Variants in RIMKLB observed in about 807,000 individuals in gnomAD.
RIMKLB encodes ribosomal modification protein rimK like family member B, also known as beta-citrylglutamate synthase B.
A neutral mutation model predicts 32.0 loss-of-function variants in RIMKLB; 7 were observed. That is an observed-to-expected ratio of 0.22 (90% CI 0.12 to 0.41). The LOEUF (loss-of-function observed/expected upper bound fraction) is 0.41. Ranked by LOEUF, RIMKLB falls within the 10% of genes least tolerant of loss-of-function variation. The pLI is 1.00. For missense variants in RIMKLB, 289 were observed against 498.7 expected, an observed-to-expected ratio of 0.58 and a Z score of 4.00; for synonymous variants, 172 against 185.1, an observed-to-expected ratio of 0.93 and a Z score of 0.57.
In RIMKLB at chr12:8,775,205, T is replaced by G; in HGVS notation, c.*1421T>G. 1.0e-6 allele frequency: 1 copy of G among 985,780 alleles called. No individual in the cohort carries two copies. Among genetic ancestry groups the G allele is most frequent in the Non-Finnish European group, 1.2e-6 (1 of 829,882 alleles). 61.1% of individuals were successfully genotyped at this position (985,780 alleles called of 1,614,324 possible). The stretch of plus-strand genomic sequence containing the variant: ...GCTATGCATTTTCTCTTTTTACATA[T>G]AGGATTTGGGATTGGGGGTGGGTTG... On this transcript the variant is annotated 3_prime_UTR_variant, in exon 6 of 6. Transcript: ENST00000535829.
intron 2 of RIMKLB, among the ~76,000 whole-genome samples, chr12:8,729,003 G>A (rs1946299780): frequency 6.6e-6 from 1 of 152,112 alleles, no homozygotes; most frequent in Non-Finnish European, 1.5e-5. Flanking sequence ...GGGGAGCACA[G>A]GTAAGCGGGT....
At chr12:8,767,363 G>A (rs1461236877) in intron 5 of RIMKLB, among the ~76,000 whole-genome samples, 1 of 152,156 alleles carries the variant, frequency 6.6e-6, no homozygotes, top group African/African-American at 2.4e-5. Flanking sequence ...AGAGACACCA[G>A]GGACAAGACT....
rs1950725998 is a variant in RIMKLB, at chr12:8,776,355, G to C, written c.*2571G>C. 1.0e-6 allele frequency: 1 copy of C among 983,360 alleles called. No individual in the cohort carries two copies. The highest frequency in any genetic ancestry group is 1.2e-6 in the Non-Finnish European group (1 of 828,076). 60.9% of individuals were successfully genotyped at this position (983,360 alleles called of 1,614,324 possible). On this transcript the variant is annotated 3_prime_UTR_variant, in exon 6 of 6. Transcript: ENST00000535829. ...CTTGAATTCCTTCAAGATTGAGGTA[G>C]AGAATAAGAGCAAATCATTCTGGAA...
At chr12:8,740,576 G>C (rs775204167) in intron 2 of RIMKLB, among the ~76,000 whole-genome samples, 24 of 152,206 alleles carry the variant, frequency 1.6e-4, no homozygotes, top group Non-Finnish European at 1.0e-4. Context: ...TCACTCGTAA[G>C]TGAGAACATA....
intron 2 of RIMKLB, among the ~76,000 whole-genome samples, chr12:8,735,733 G>C (rs1250612692): frequency 6.7e-6 from 1 of 148,726 alleles, no homozygotes; most frequent in African/African-American, 2.5e-5. Context: ...TTTTTTGTCT[G>C]TCTGTTTGTT....
At chr12:8,751,356 G>A (rs1230994697) in intron 3 of RIMKLB, among the ~76,000 whole-genome samples, 2 of 151,974 alleles carry the variant, frequency 1.3e-5, no homozygotes, top group African/African-American at 4.8e-5. Context: ...GCTGATTTTT[G>A]TAGCTACAGT....
At position 8,776,159 on chromosome 12, in the gene RIMKLB, T is replaced by C. The variant is rs766972300; in HGVS notation, c.*2375T>C. ...GGTAAGGCATCAGGAAAAATGTAGT[T>C]AGTCTTTTCTTAACTTATACCAAAT... On this transcript the variant is annotated 3_prime_UTR_variant, in exon 6 of 6. Transcript: ENST00000535829. The C allele has an allele frequency of 1.4e-5, 14 of 984,912 alleles. No homozygotes were observed. The highest frequency in any genetic ancestry group is 1.7e-5 in the African/African-American group (1 of 57,370). 61.0% of individuals were successfully genotyped at this position (984,912 alleles called of 1,614,324 possible). A position where few individuals can be genotyped will look rare whatever the true frequency, so the allele number is the denominator to read the frequency against.
chr12:8,748,528 G>A (rs1388198165), intron 2 of RIMKLB, among the ~76,000 whole-genome samples: 1 of 105,078 alleles, frequency 9.5e-6, no homozygotes, highest in Non-Finnish European at 2.1e-5. Context: ...TCGTGTGTGT[G>A]TGTGTGTGTG....
At chr12:8,731,794 T>C (rs188655826) in intron 2 of RIMKLB, among the ~76,000 whole-genome samples, 1 of 152,272 alleles carries the variant, frequency 6.6e-6, no homozygotes, top group Admixed American at 6.5e-5. Flanking sequence ...TTTTTAGCTT[T>C]TACAATATCT....
At position 8,706,196 on chromosome 12, in the gene RIMKLB, A is replaced by G. The variant is rs148946937; in HGVS notation, c.-56-7615A>G. ...CCCTTGTCACCCAGGCTGGAGTGCA[A>G]TGGTGCGATCTCAGCTCACTGCAAC... On this transcript the variant is annotated intron_variant, in intron 1 of 5. Transcript: ENST00000535829. Among the ~76,000 whole-genome samples the G allele has an allele frequency of 2.0e-3, 301 of 152,124 alleles. 1 individual carries two copies. The highest frequency in any genetic ancestry group is 6.9e-3 in the African/African-American group (285 of 41,494).
chr12:8,744,780 C>T (rs1947919940), intron 2 of RIMKLB, among the ~76,000 whole-genome samples: 1 of 151,800 alleles, frequency 6.6e-6, no homozygotes, highest in African/African-American at 2.4e-5. Flanking sequence ...CCTGCCTCAG[C>T]CTCCCAAGTA....
intron 1 of RIMKLB, among the ~76,000 whole-genome samples, chr12:8,701,204 C>G (rs953578731): frequency 1.3e-5 from 2 of 152,156 alleles, no homozygotes; most frequent in Non-Finnish European, 2.9e-5. Flanking sequence ...AGGGAGATTA[C>G]GTACAGATGT....
At chr12:8,696,963 C>CTT (rs200665237), upstream of RIMKLB, among the ~76,000 whole-genome samples, 1,331 of 151,264 alleles carry the variant, frequency 8.8e-3, 12 homozygotes, top group Non-Finnish European at 0.011. Flanking sequence ...GTCTGTAGCC[C>CTT]TTTTTTTTTC....
chr12:8,701,940 A>T (rs1002999671), intron 1 of RIMKLB, among the ~76,000 whole-genome samples: 19 of 151,840 alleles, frequency 1.3e-4, no homozygotes, highest in Admixed American at 1.2e-3. Flanking sequence ...CTGGAGGCAG[A>T]GGTTGCAGTG....
intron 2 of RIMKLB, among the ~76,000 whole-genome samples, chr12:8,729,414 C>T (rs967483659): frequency 1.8e-4 from 28 of 152,042 alleles, no homozygotes; most frequent in Non-Finnish European, 2.5e-4. Flanking sequence ...TCTGAAGCTG[C>T]GCTCTCGAGC....
intron 2 of RIMKLB, among the ~76,000 whole-genome samples, chr12:8,728,097 T>G (rs1184743003): frequency 1.3e-5 from 2 of 152,182 alleles, no homozygotes; most frequent in Non-Finnish European, 2.9e-5. Context: ...GAACTAGTTC[T>G]TTCTTACAAT....
chr12:8,710,269 TC>T (rs1944261350), intron 1 of RIMKLB, among the ~76,000 whole-genome samples: 2 of 147,432 alleles, frequency 1.4e-5, no homozygotes, highest in African/African-American at 2.5e-5. Flanking sequence ...GAACTACCGC[TC>T]CCCGCCAGTT....
At chr12:8,716,105 G>C (rs1313411452) in intron 2 of RIMKLB, among the ~76,000 whole-genome samples, 1 of 152,098 alleles carries the variant, frequency 6.6e-6, no homozygotes, top group Non-Finnish European at 1.5e-5. Flanking sequence ...TCTGGTGGTT[G>C]GAAAACCAAA....
intron 3 of RIMKLB, among the ~76,000 whole-genome samples, chr12:8,750,584 T>C (rs1948534792): frequency 1.3e-5 from 2 of 152,180 alleles, no homozygotes; most frequent in Non-Finnish European, 2.9e-5. Flanking sequence ...AAAGTAACAC[T>C]TTAGTAGGTG....
Sources: allele counts gnomAD v4.1 joint callset (sites outside exome capture counted in the v4.1 genomes callset), GRCh38; gene constraint gnomAD v4.1.1; transcripts MANE v1.5; gene names NCBI Gene and HGNC (gene_info 2026-07-23, HGNC 2026-07-21).